The following RNF10 variants were observed in gnomAD, a reference collection of about 807,000 sequenced individuals.
The protein encoded by RNF10 is E3 ubiquitin-protein ligase RNF10.
RNF10 carries 38 observed loss-of-function variants against 91.4 expected under a neutral mutation model. The ratio of observed to expected loss-of-function variants is 0.42; its 90% CI spans 0.32 to 0.54. The LOEUF (loss-of-function observed/expected upper bound fraction) is 0.54, where lower values mean the gene tolerates loss of function less well. Ranked by LOEUF, RNF10 falls within the 20% of genes least tolerant of loss-of-function variation. The probability of loss-of-function intolerance (pLI) is 0.16; values close to 1 mark genes in which losing one functional copy is unlikely to be tolerated. For missense variants in RNF10, 945 were observed against 1,012.0 expected (o/e 0.93, Z 0.90); for synonymous variants, 364 against 366.3 (o/e 0.99, Z 0.07).
At chr12:120,540,432 C>T (rs1871386818) in intron 1 of RNF10, among the ~76,000 whole-genome samples, 1 of 152,012 alleles carries the variant, frequency 6.6e-6, no homozygotes, top group Non-Finnish European at 1.5e-5. Flanking sequence ...TTTTGTTTTC[C>T]AAAATCTAAA....
chr12:120,563,790 A>G lies in RNF10; in HGVS notation c.1532-20A>G, dbSNP rs1875273028. Reference sequence around the variant, plus strand: ...GGGGACTGGCCAAGACTGGTGTGTGATAGAGCCCCTTGTCCTCAGCGGAAG... The same window carrying G: ...GGGGACTGGCCAAGACTGGTGTGTGGTAGAGCCCCTTGTCCTCAGCGGAAG... On this transcript the variant is annotated intron_variant, in intron 9 of 16. Coordinates refer to ENST00000325954, the MANE Select transcript of RNF10 (RefSeq NM_014868.5). The G allele has an allele frequency of 6.2e-7, 1 of 1,613,430 alleles. No individual in the cohort carries two copies. The highest frequency in any genetic ancestry group is 1.3e-5 in the African/African-American group (1 of 74,854).
intron 2 of RNF10, 65 bp from the exon 3 acceptor site, chr12:120,552,434 T>G: frequency 7.2e-7 from 1 of 1,391,486 alleles, no homozygotes. Flanking sequence ...GGGTTTTTTT[T>G]GGGTTTCTGC....
chr12:120,546,177 G>A (rs1417447597), intron 1 of RNF10, among the ~76,000 whole-genome samples: 2 of 152,108 alleles, frequency 1.3e-5, no homozygotes, highest in Admixed American at 6.5e-5. Flanking sequence ...TTTGATCTAC[G>A]CTGTGTTTGT....
Position 120,534,554 on chromosome 12 carries a change from T to A in RNF10, c.-258T>A. ...CCTCGCCTCCCCTTCCCCCGCAGCC[T>A]CCGCCCCGCCAGGCCCGGCCCGGAC... On this transcript the variant is annotated 5_prime_UTR_variant, in exon 1 of 17. Transcript: ENST00000325954. 1.5e-6 allele frequency: 1 copy of A among 648,016 alleles called. No homozygotes were observed. Among genetic ancestry groups the A allele is most frequent in the Non-Finnish European group, 2.1e-6 (1 of 471,672 alleles). 40.1% of individuals were successfully genotyped at this position (648,016 alleles called of 1,614,324 possible). A position where few individuals can be genotyped will look rare whatever the true frequency, so the allele number is the denominator to read the frequency against.
intron 10 of RNF10, 65 bp from the exon 11 acceptor site, chr12:120,565,006 GT>G: frequency 9.4e-7 from 1 of 1,058,694 alleles, no homozygotes; most frequent in Non-Finnish European, 1.5e-6. Flanking sequence ...GGATATCGGG[GT>G]TAGGACCCCC....
intron 12 of RNF10, among the ~76,000 whole-genome samples, chr12:120,565,743 C>G (rs937787296): frequency 6.6e-6 from 1 of 152,206 alleles, no homozygotes; most frequent in Non-Finnish European, 1.5e-5. Flanking sequence ...AGAGGAAATT[C>G]AGCCTTGGTA....
At chr12:120,538,395 C>T (rs566958359) in intron 1 of RNF10, among the ~76,000 whole-genome samples, 1 of 152,160 alleles carries the variant, frequency 6.6e-6, no homozygotes, top group South Asian at 2.1e-4. Flanking sequence ...TTCATTTGTA[C>T]ACAGGAAATA....
At chr12:120,564,475 A>G (rs566739866) in intron 10 of RNF10, among the ~76,000 whole-genome samples, 16 of 152,230 alleles carry the variant, frequency 1.1e-4, no homozygotes, top group African/African-American at 3.9e-4. Flanking sequence ...ACAAAAAAAA[A>G]TTAGCTGGGT....
intron 2 of RNF10, among the ~76,000 whole-genome samples, chr12:120,551,420 G>A (rs1475896975): frequency 6.7e-6 from 1 of 148,216 alleles, no homozygotes; most frequent in Non-Finnish European, 1.5e-5. Context: ...TCAGCCTCCC[G>A]AGTAGCTGGT....
intron 13 of RNF10, among the ~76,000 whole-genome samples, chr12:120,569,549 T>TTTTTTTTTTTTTTG (rs1555229856): frequency 6.7e-6 from 1 of 149,590 alleles, no homozygotes; most frequent in African/African-American, 2.5e-5. Context: ...TTTTTTTTTT[T>TTTTTTTTTTTTTTG]GAGACAGGGT....
At chr12:120,550,441 T>C (rs1286841905) in intron 2 of RNF10, among the ~76,000 whole-genome samples, 1 of 152,102 alleles carries the variant, frequency 6.6e-6, no homozygotes, top group Admixed American at 6.6e-5. Context: ...GCACAAGCTC[T>C]TAGATCTAAG....
chr12:120,534,519 G>C lies in RNF10; in HGVS notation c.-293G>C. 3.1e-6 allele frequency: 1 copy of C among 324,820 alleles called. No homozygotes were observed. Among genetic ancestry groups the C allele is most frequent in the Non-Finnish European group, 5.0e-6 (1 of 199,476 alleles). The allele number at this position is 324,820 out of a possible 1,614,324, so 20.1% of individuals were successfully genotyped here. A position where few individuals can be genotyped will look rare whatever the true frequency, so the allele number is the denominator to read the frequency against. On this transcript the variant is annotated 5_prime_UTR_variant, in exon 1 of 17. Coordinates refer to ENST00000325954, the MANE Select transcript of RNF10 (RefSeq NM_014868.5). ...TCCGGCCGGCCGGCCGGCGGGGCTC[G>C]CGCAACCTCCCTCGCCTCCCCTTCC...
rs1242678233 is a variant in RNF10, at chr12:120,576,152, CTGAAAG to C, written c.2359+208_2359+213del. Among the ~76,000 whole-genome samples the C allele has an allele frequency of 5.3e-5, 8 of 152,258 alleles. No homozygotes were observed. In the East Asian group the frequency reaches 1.5e-3, roughly 29 times the overall value. ...GCCACCCCAGAGAAATTGATGACGC[CTGAAAG>C]TGAAATTCTGAGGAACTCTTCCAAG... is the stretch of plus-strand genomic sequence containing the variant. On this transcript the variant is annotated intron_variant, in intron 16 of 16. Transcript: ENST00000325954.
intron 8 of RNF10, 116 bp downstream of exon 8, chr12:120,563,186 C>G (rs921962357): frequency 6.6e-7 from 1 of 1,515,962 alleles, no homozygotes; most frequent in Non-Finnish European, 9.1e-7. Flanking sequence ...TGAGTATTTT[C>G]TGTATGCTTG....
At chr12:120,543,698 G>T (rs564313220) in intron 1 of RNF10, among the ~76,000 whole-genome samples, 1 of 152,292 alleles carries the variant, frequency 6.6e-6, no homozygotes, top group East Asian at 1.9e-4. Flanking sequence ...TACTTGGGGG[G>T]CTGAGGCAGG....
In RNF10 at chr12:120,557,403, G is replaced by C; in HGVS notation, c.767G>C (p.Ser256Thr). 6.2e-7 allele frequency: 1 copy of C among 1,614,186 alleles called. No homozygotes were observed. Among genetic ancestry groups the C allele is most frequent in the Non-Finnish European group, 8.5e-7 (1 of 1,180,048 alleles). ...TGCATCCTGCACTATCTTTCACTGA[G>C]TGAGAAGACGTGGAGTAAATGTCCC... ...WACILHYLSL[S>T]EKTWSKCPIC... Residue 256 changes from serine to threonine, a missense_variant, in exon 5 of 17, where the codon AGT (serine) becomes ACT (threonine). Physicochemically the swap from Ser to Thr is moderately conservative, Grantham distance 58. Transcript: ENST00000325954.
At chr12:120,558,846 A>C (rs1298061955) in intron 6 of RNF10, among the ~76,000 whole-genome samples, 1 of 151,900 alleles carries the variant, frequency 6.6e-6, no homozygotes, top group Non-Finnish European at 1.5e-5. Context: ...CTGGGATTAC[A>C]GGCGTGAGCC....
At chr12:120,546,346 A>C (rs547498549) in intron 1 of RNF10, 59 bp from the exon 2 acceptor site, 2 of 1,496,986 alleles carry the variant, frequency 1.3e-6, no homozygotes, top group East Asian at 2.3e-5. Context: ...GGTGGAGGGC[A>C]GTTGGCTAAG....
At chr12:120,563,106 C>A in intron 8 of RNF10, 36 bp downstream of exon 8, 1 of 1,613,572 alleles carries the variant, frequency 6.2e-7, no homozygotes, top group Non-Finnish European at 8.5e-7. Context: ...GCTGCCGTTC[C>A]TCAAATGCTG....
Sources: allele counts gnomAD v4.1 joint callset (sites outside exome capture counted in the v4.1 genomes callset), GRCh38; gene constraint gnomAD v4.1.1; transcripts MANE v1.5; gene names NCBI Gene and HGNC (gene_info 2026-07-23, HGNC 2026-07-21).